The following PDE10A variants were observed in gnomAD, a reference collection of about 807,000 sequenced individuals.
PDE10A encodes phosphodiesterase 10A, also known as cAMP and cAMP-inhibited cGMP 3',5'-cyclic phosphodiesterase 10A.
In PDE10A, 39 loss-of-function variants were observed where a neutral mutation model predicts 97.7. The ratio of observed to expected loss-of-function variants is 0.40; its 90% CI spans 0.31 to 0.52. The LOEUF (loss-of-function observed/expected upper bound fraction) is 0.52, where lower values mean the gene tolerates loss of function less well. PDE10A is among the 20% of genes least tolerant of loss of function. The pLI is 0.56. For missense variants in PDE10A, 731 were observed against 1,047.8 expected (o/e 0.70, Z 4.17); for synonymous variants, 371 against 376.8 (o/e 0.98, Z 0.18).
intron 18 of PDE10A, among the ~76,000 whole-genome samples, chr6:165,372,908 C>A (rs1209236120): frequency 1.3e-5 from 2 of 151,700 alleles, no homozygotes; most frequent in African/African-American, 2.4e-5. Context: ...AGAAGAGAGC[C>A]CTCAGAAATA....
intron 1 of PDE10A, among the ~76,000 whole-genome samples, chr6:165,832,732 T>A (rs1309120781): frequency 6.6e-6 from 1 of 152,246 alleles, no homozygotes; most frequent in Non-Finnish European, 1.5e-5. Flanking sequence ...CTGATACACT[T>A]AATTCTGGTT....
At chr6:165,727,065 G>A (rs1487750041) in intron 1 of PDE10A, among the ~76,000 whole-genome samples, 1 of 152,170 alleles carries the variant, frequency 6.6e-6, no homozygotes, top group Non-Finnish European at 1.5e-5. Flanking sequence ...CACCCAGGCT[G>A]CTTCCTCCGC....
intron 18 of PDE10A, among the ~76,000 whole-genome samples, chr6:165,351,166 T>TA (rs1782668809): frequency 9.3e-3 from 1 of 108 alleles, no homozygotes; most frequent in Non-Finnish European, 0.016. Flanking sequence ...GACAATGACT[T>TA]TATACACAAT....
intron 1 of PDE10A, among the ~76,000 whole-genome samples, chr6:165,963,218 A>G (rs1470544918): frequency 6.6e-6 from 1 of 152,246 alleles, no homozygotes; most frequent in African/African-American, 2.4e-5. Context: ...TACACAAGAG[A>G]AGAGCAAATA....
intron 1 of PDE10A, among the ~76,000 whole-genome samples, chr6:165,668,949 G>A (rs953930945): frequency 6.6e-6 from 1 of 152,210 alleles, no homozygotes; most frequent in Non-Finnish European, 1.5e-5. Flanking sequence ...AAAAAGGAGA[G>A]AGAAAGTTTG....
chr6:165,347,506 C>T lies in PDE10A; in HGVS notation c.2784-4004G>A, dbSNP rs185878243. 1.7e-3 allele frequency among the ~76,000 whole-genome samples: 255 copies of T among 152,114 alleles called. 1 individual carries two copies. The highest frequency in any genetic ancestry group is 2.7e-3 in the Non-Finnish European group (182 of 67,994). On this transcript the variant is annotated intron_variant, in intron 18 of 21. Transcript: ENST00000539869. ...TTTAAAAATACATTTTTCTCCATTA[C>T]AGAGAGAAAAATAAATTATAAACGA... is the stretch of plus-strand genomic sequence containing the variant.
intron 2 of PDE10A, among the ~76,000 whole-genome samples, chr6:165,514,255 C>T (rs1311890536): frequency 6.6e-6 from 1 of 152,124 alleles, no homozygotes; most frequent in South Asian, 2.1e-4. Context: ...CTTGTGATAC[C>T]TTAGTTGGCT....
chr6:165,418,358 A>G lies in PDE10A; in HGVS notation c.1796+277T>C, dbSNP rs1788468176. On this transcript the variant is annotated intron_variant, in intron 11 of 21. Transcript: ENST00000539869. The surrounding 1 kb of genome is among the most constrained non-coding windows in gnomAD (Gnocchi z 4.8). ...TGGAGTGTACCTTTACCTACCTGGG[A>G]GCACTAGAAAGTTTTTCCAACATGA... Among the ~76,000 whole-genome samples the G allele has an allele frequency of 6.6e-6, 1 of 152,132 alleles. No individual in the cohort carries two copies. Among genetic ancestry groups the G allele is most frequent in the Non-Finnish European group, 1.5e-5 (1 of 68,022 alleles).
At chr6:165,889,084 A>C (rs573550792) in intron 1 of PDE10A, among the ~76,000 whole-genome samples, 1 of 152,362 alleles carries the variant, frequency 6.6e-6, no homozygotes, top group African/African-American at 2.4e-5. Flanking sequence ...GACAGAACTT[A>C]AAAACTAAGA....
chr6:165,577,528 C>T (rs746810516), intron 1 of PDE10A, among the ~76,000 whole-genome samples: 7 of 152,172 alleles, frequency 4.6e-5, no homozygotes, highest in African/African-American at 7.2e-5. Flanking sequence ...AGGGCACAGG[C>T]GACCCCCATC....
Position 165,333,064 on chromosome 6 carries a change from G to A in PDE10A, c.3129C>T (p.Ser1043=), listed in dbSNP as rs778165952. The A allele has an allele frequency of 3.7e-6, 6 of 1,612,832 alleles. No individual in the cohort carries two copies. Among genetic ancestry groups the A allele is most frequent in the Non-Finnish European group, 5.1e-6 (6 of 1,179,036 alleles). ...RGEETATWIS[S]PSVAQKAAAS... is the part of the protein sequence containing the mutation. Reference sequence around the variant, plus strand: ...CAGCTGCCTTCTGAGCCACGGATGGGGATGAAATCCAGGTTGCAGTCTCCT... The same window carrying A: ...CAGCTGCCTTCTGAGCCACGGATGGAGATGAAATCCAGGTTGCAGTCTCCT... The change falls in exon 22 of 22, where the codon TCC becomes TCT. Residue 1043 remains serine, a synonymous_variant. Transcript: ENST00000539869.
intron 2 of PDE10A, among the ~76,000 whole-genome samples, chr6:165,497,434 T>C (rs1471882209): frequency 2.0e-5 from 3 of 152,158 alleles, no homozygotes; most frequent in Admixed American, 1.3e-4. Flanking sequence ...TTTATAGAGA[T>C]GAGAAATATG....
chr6:165,939,147 T>C (rs1190721696), intron 1 of PDE10A, among the ~76,000 whole-genome samples: 1 of 152,244 alleles, frequency 6.6e-6, no homozygotes, highest in Non-Finnish European at 1.5e-5. Context: ...ATATGTATAA[T>C]ATCCTTCTTT....
At chr6:165,365,091 A>G (rs978292922) in intron 18 of PDE10A, among the ~76,000 whole-genome samples, 1 of 152,106 alleles carries the variant, frequency 6.6e-6, no homozygotes, top group African/African-American at 2.4e-5. Flanking sequence ...CAAATAAATG[A>G]AAAATTTTAT....
chr6:165,799,217 A>C (rs1047289132), intron 1 of PDE10A, among the ~76,000 whole-genome samples: 2 of 152,226 alleles, frequency 1.3e-5, no homozygotes, highest in Non-Finnish European at 2.9e-5. Context: ...TCCGGAGTGA[A>C]TGAAAACCAG....
intron 2 of PDE10A, among the ~76,000 whole-genome samples, chr6:165,500,615 C>T (rs1228159186): frequency 6.6e-6 from 1 of 152,166 alleles, no homozygotes; most frequent in African/African-American, 2.4e-5. Flanking sequence ...GGTTTCTCCC[C>T]ACATGATGGC....
intron 1 of PDE10A, among the ~76,000 whole-genome samples, chr6:165,556,873 C>T (rs541688640): frequency 2.9e-4 from 44 of 152,098 alleles, no homozygotes; most frequent in Non-Finnish European, 6.3e-4. Flanking sequence ...GGTGCAGTGG[C>T]TCATGCCTGT....
chr6:165,750,051 G>C (rs570571181), intron 1 of PDE10A, among the ~76,000 whole-genome samples: 1 of 152,118 alleles, frequency 6.6e-6, no homozygotes, highest in Admixed American at 6.5e-5. Context: ...GTTGAACAGG[G>C]GGTATGTGAG....
At position 165,339,325 on chromosome 6, in the gene PDE10A, T is replaced by C. The variant is rs1436890112; in HGVS notation, c.2929A>G (p.Ile977Val). 1.9e-6 allele frequency: 3 copies of C among 1,606,144 alleles called. No homozygotes were observed. Among genetic ancestry groups the C allele is most frequent in the African/African-American group, 1.3e-5 (1 of 74,866 alleles). ...TTCTTGTCTCTGTCCATCATAGGAA[T>C]AGGCTGTATTCCCAATTTCTTCATT... ...DEMKKLGIQP[I>V]PMMDRDKKDE... is the part of the protein sequence containing the mutation. The change falls in exon 20 of 22, where the codon ATT becomes GTT. Residue 977 changes from isoleucine (I) to valine (V), a missense_variant. Coordinates refer to ENST00000539869, the MANE Select transcript of PDE10A (RefSeq NM_001385079.1).
Sources: gnomAD v4.1 joint callset for allele counts (sites outside exome capture counted in the v4.1 genomes callset) on GRCh38, gnomAD v4.1.1 for gene constraint, Gnocchi (gnomAD v3.1) non-coding constraint, MANE v1.5 for transcripts, NCBI Gene and HGNC (gene_info 2026-07-23, HGNC 2026-07-21) for gene names.